Variants in CCR6 observed in about 807,000 individuals in gnomAD.
The protein encoded by CCR6 is C-C chemokine receptor type 6.
Under a neutral mutation model 3.0 loss-of-function variants are expected in CCR6, and 2 were observed. The ratio of observed to expected loss-of-function variants is 0.66; its 90% CI spans 0.27 to 2.07. The LOEUF (loss-of-function observed/expected upper bound fraction) is 2.07, where lower values mean the gene tolerates loss of function less well. CCR6 is among the 30% of genes most tolerant of loss of function. The pLI, the probability that CCR6 is intolerant of heterozygous loss-of-function variation, is 0.14. For missense variants in CCR6, 322 were observed against 462.8 expected, an observed-to-expected ratio of 0.70 and a Z score of 2.79; for synonymous variants, 193 against 184.3, an observed-to-expected ratio of 1.05 and a Z score of -0.38.
At chr6:167,118,606 T>C (rs1227091183), upstream of CCR6, among the ~76,000 whole-genome samples, 3 of 152,232 alleles carry the variant, frequency 2.0e-5, no homozygotes, top group Admixed American at 6.5e-5. Flanking sequence ...GCTTGTTCCT[T>C]ACTGATATTT....
At chr6:167,134,598 A>G (rs1781820975) in intron 1 of CCR6, among the ~76,000 whole-genome samples, 1 of 152,234 alleles carries the variant, frequency 6.6e-6, no homozygotes. Context: ...TTCCTCTCCA[A>G]AAGGTCAGTA....
intron 1 of CCR6, chr6:167,126,572 T>C (rs1052601246): frequency 2.0e-5 from 3 of 152,446 alleles, no homozygotes; most frequent in Non-Finnish European, 2.9e-5. Context: ...GGTGGGTGCA[T>C]GTAGCCATCT....
intron 1 of CCR6, among the ~76,000 whole-genome samples, chr6:167,129,277 C>G (rs1417033485): frequency 6.6e-6 from 1 of 152,162 alleles, no homozygotes; most frequent in Non-Finnish European, 1.5e-5. Context: ...ATGTCTGTAA[C>G]ACCTCCCTGA....
At chr6:167,129,825 G>A (rs969120369) in intron 1 of CCR6, among the ~76,000 whole-genome samples, 3 of 151,580 alleles carry the variant, frequency 2.0e-5, no homozygotes, top group Non-Finnish European at 4.4e-5. Context: ...TTCAGGTGGG[G>A]GGTGACAATG....
chr6:167,135,461 T>C (rs1781835791), intron 1 of CCR6, among the ~76,000 whole-genome samples: 1 of 152,218 alleles, frequency 6.6e-6, no homozygotes, highest in Admixed American at 6.5e-5. Flanking sequence ...GTTCAGTGTG[T>C]CTTGAGAACA....
At chr6:167,134,288 T>C (rs1007915242) in intron 1 of CCR6, among the ~76,000 whole-genome samples, 1 of 152,166 alleles carries the variant, frequency 6.6e-6, no homozygotes, top group Non-Finnish European at 1.5e-5. Flanking sequence ...TTCTGATTGA[T>C]ACGATTACCT....
At chr6:167,129,609 T>C (rs551978582) in intron 1 of CCR6, 1 of 148,428 alleles carries the variant, frequency 6.7e-6, no homozygotes, top group East Asian at 1.9e-4. Flanking sequence ...ATGCTTTTTT[T>C]AAAAAAGAGT....
At chr6:167,115,013 C>G (rs756445720) in intron 1 of CCR6, 2 of 152,220 alleles carry the variant, frequency 1.3e-5, no homozygotes, top group Non-Finnish European at 2.9e-5. Flanking sequence ...AAAAAATCAG[C>G]CTTGTGAGTG....
upstream of CCR6, chr6:167,122,960 T>C (rs1781610945): frequency 6.6e-6 from 1 of 152,454 alleles, no homozygotes; most frequent in Non-Finnish European, 1.5e-5. The surrounding 1 kb of genome is among the most constrained non-coding windows in gnomAD (Gnocchi z 4.2). Context: ...TGGACTTTGA[T>C]TCCAGGGATC....
At chr6:167,115,426 G>A (rs1274377041) in intron 1 of CCR6, 1 of 152,254 alleles carries the variant, frequency 6.6e-6, no homozygotes, top group African/African-American at 2.4e-5. Context: ...GCTGCTGAGA[G>A]CTATTTCATT....
Position 167,136,941 on chromosome 6 carries a change from T to C in CCR6, c.711T>C (p.Ile237=), listed in dbSNP as rs1420753299. The C allele has an allele frequency of 5.6e-6, 9 of 1,614,070 alleles. No individual in the cohort carries two copies. Among genetic ancestry groups the C allele is most frequent in the African/African-American group, 1.3e-5 (1 of 74,934 alleles). ...LMFMIFCYTF[I]VKTLVQAQNS... is the part of the protein sequence containing the mutation. ...TCATGATATTTTGTTACACGTTCAT[T>C]GTCAAAACCTTGGTGCAAGCTCAGA... Residue 237 remains isoleucine (I), a synonymous_variant, in exon 3 of 3, where the codon ATT becomes ATC. Coordinates refer to ENST00000341935, the MANE Select transcript of CCR6 (RefSeq NM_031409.4). This position sits in a 1 kb window ranked among gnomAD's most constrained non-coding sequence, Gnocchi z 4.6.
At chr6:167,133,926 A>ATGTGTG (rs1255790825) in intron 1 of CCR6, among the ~76,000 whole-genome samples, 24 of 66,704 alleles carry the variant, frequency 3.6e-4, no homozygotes, top group Non-Finnish European at 4.8e-4. Context: ...TATATGATAT[A>ATGTGTG]TGTGTGTATA....
chr6:167,134,966 G>A (rs755005783), intron 1 of CCR6: 5 of 152,326 alleles, frequency 3.3e-5, no homozygotes, highest in South Asian at 2.1e-4. Context: ...AAAGCCCTTC[G>A]TCCTCAGGCG....
chr6:167,129,883 AT>A (rs1334543488), intron 1 of CCR6, among the ~76,000 whole-genome samples: 2 of 151,776 alleles, frequency 1.3e-5, no homozygotes, highest in African/African-American at 4.9e-5. Flanking sequence ...GCAGCTGAAT[AT>A]TGGAAAAGAA....
upstream of CCR6, among the ~76,000 whole-genome samples, chr6:167,117,821 C>T (rs1781524506): frequency 6.6e-6 from 1 of 152,158 alleles, no homozygotes; most frequent in Non-Finnish European, 1.5e-5. Flanking sequence ...GTTAAGCTCT[C>T]ACTTGGACAT....
At chr6:167,116,088 A>G (rs982119139) in intron 1 of CCR6, 3 of 152,256 alleles carry the variant, frequency 2.0e-5, no homozygotes, top group Non-Finnish European at 2.9e-5. Context: ...GGCTGCCGCC[A>G]GGAGGGAGCA....
chr6:167,113,788 T>C (rs1013811943), intron 1 of CCR6, among the ~76,000 whole-genome samples: 1 of 152,160 alleles, frequency 6.6e-6, no homozygotes, highest in Non-Finnish European at 1.5e-5. Flanking sequence ...ATACAGTAAA[T>C]ATGCAGCGCA....
chr6:167,115,651 G>T (rs548458811), intron 1 of CCR6: 1 of 152,302 alleles, frequency 6.6e-6, no homozygotes, highest in South Asian at 2.1e-4. Flanking sequence ...CGTCTAGAAG[G>T]TGTTATTTTT....
chr6:167,120,310 C>T (rs953826597), upstream of CCR6, among the ~76,000 whole-genome samples: 2 of 152,182 alleles, frequency 1.3e-5, no homozygotes, highest in Admixed American at 6.5e-5. Flanking sequence ...CCAACCAGCT[C>T]ACCATATTGA....
Sources: gnomAD v4.1 joint callset for allele counts (sites outside exome capture counted in the v4.1 genomes callset) on GRCh38, gnomAD v4.1.1 for gene constraint, Gnocchi (gnomAD v3.1) non-coding constraint, MANE v1.5 for transcripts, NCBI Gene and HGNC (gene_info 2026-07-23, HGNC 2026-07-21) for gene names.